CNTNAP5: variants seen among roughly 807,000 people sequenced by gnomAD.
CNTNAP5 encodes contactin associated protein family member 5.
A neutral mutation model predicts 150.2 loss-of-function variants in CNTNAP5; 72 were observed. The ratio of observed to expected loss-of-function variants is 0.48; its 90% CI spans 0.40 to 0.58. The LOEUF is 0.58. CNTNAP5 is among the 20% of genes least tolerant of loss of function. The pLI, the probability that CNTNAP5 is intolerant of heterozygous loss-of-function variation, is 0.00. For synonymous variants in CNTNAP5, 672 were observed against 619.8 expected, an observed-to-expected ratio of 1.08 and a Z score of -1.25; for missense variants, 1,636 against 1,626.2, an observed-to-expected ratio of 1.01 and a Z score of -0.10.
intron 7 of CNTNAP5, among the ~76,000 whole-genome samples, chr2:124,499,098 T>C (rs1195576714): frequency 1.3e-5 from 2 of 152,090 alleles, no homozygotes; most frequent in Non-Finnish European, 2.9e-5. Context: ...ATCATCCCAC[T>C]ACTATTATTC....
chr2:124,724,299 C>T (rs1039293795), intron 13 of CNTNAP5, among the ~76,000 whole-genome samples: 9 of 151,902 alleles, frequency 5.9e-5, no homozygotes, highest in Admixed American at 5.3e-4. Flanking sequence ...AAGAATACTG[C>T]AAAGGATACA....
chr2:124,856,689 TAAAA>T (rs1339970878), intron 19 of CNTNAP5, among the ~76,000 whole-genome samples: 1 of 152,128 alleles, frequency 6.6e-6, no homozygotes, highest in Non-Finnish European at 1.5e-5. Context: ...TAAATAATAA[TAAAA>T]TGCCTTGCTA....
intron 1 of CNTNAP5, among the ~76,000 whole-genome samples, chr2:124,166,204 C>CA (rs1416132358): frequency 1.3e-5 from 2 of 152,182 alleles, no homozygotes; most frequent in African/African-American, 4.8e-5. Flanking sequence ...CCTATGGCTT[C>CA]ACATCTGGGA....
At chr2:124,704,127 C>CT (rs1448059964) in intron 13 of CNTNAP5, among the ~76,000 whole-genome samples, 8 of 152,140 alleles carry the variant, frequency 5.3e-5, no homozygotes, top group Non-Finnish European at 1.2e-4. Flanking sequence ...GTTCTGTATT[C>CT]TTTATGAAGA....
chr2:124,383,168 G>A (rs955272514), intron 3 of CNTNAP5, among the ~76,000 whole-genome samples: 7 of 152,024 alleles, frequency 4.6e-5, no homozygotes, highest in African/African-American at 1.7e-4. Context: ...TAACACATTT[G>A]GCGAACATTA....
At chr2:124,307,655 A>T (rs1863354) in intron 3 of CNTNAP5, among the ~76,000 whole-genome samples, 1 of 152,034 alleles carries the variant, frequency 6.6e-6, no homozygotes, top group Non-Finnish European at 1.5e-5. Flanking sequence ...TAGGAAGACA[A>T]GTTCTTGCTT....
intron 12 of CNTNAP5, among the ~76,000 whole-genome samples, chr2:124,643,298 A>T (rs2105022596): frequency 6.6e-6 from 1 of 152,246 alleles, no homozygotes; most frequent in Non-Finnish European, 1.5e-5. Flanking sequence ...TAATTGTGGG[A>T]TTGGGTAGTG....
intron 3 of CNTNAP5, among the ~76,000 whole-genome samples, chr2:124,355,594 T>A (rs996388658): frequency 6.6e-6 from 1 of 152,192 alleles, no homozygotes; most frequent in Admixed American, 6.5e-5. Context: ...TACTTCATTT[T>A]GCAGGTGAGC....
chr2:124,256,503 A>C (rs1687319793), intron 3 of CNTNAP5, among the ~76,000 whole-genome samples: 1 of 152,110 alleles, frequency 6.6e-6, no homozygotes, highest in African/African-American at 2.4e-5. Flanking sequence ...AACATACATG[A>C]AATTAGAGTG....
At chr2:124,455,695 C>T (rs1693102660) in intron 6 of CNTNAP5, among the ~76,000 whole-genome samples, 1 of 152,078 alleles carries the variant, frequency 6.6e-6, no homozygotes, top group Admixed American at 6.6e-5. Flanking sequence ...AATCCAACAA[C>T]ATATCAAAAC....
chr2:124,684,388 T>G lies in CNTNAP5; in HGVS notation c.2077+36430T>G, dbSNP rs565115497. On this transcript the variant is annotated intron_variant, in intron 13 of 23. Transcript: ENST00000682447. ...TCAGAGCTTATATCTACCAACCATT[T>G]CTTCATTTATTTGAAAAGTTTCTAT... 5.9e-5 allele frequency among the ~76,000 whole-genome samples: 9 copies of G among 152,150 alleles called. No individual in the cohort carries two copies. In the South Asian group the frequency reaches 1.7e-3, roughly 28 times the overall value.
intron 3 of CNTNAP5, among the ~76,000 whole-genome samples, chr2:124,387,607 G>A (rs138856112): frequency 6.6e-6 from 1 of 152,122 alleles, no homozygotes; most frequent in Admixed American, 6.5e-5. Flanking sequence ...TCTTAAGGGT[G>A]GGGGAGATTA....
At chr2:124,620,995 C>T (rs192441965) in intron 12 of CNTNAP5, among the ~76,000 whole-genome samples, 1 of 152,074 alleles carries the variant, frequency 6.6e-6, no homozygotes, top group African/African-American at 2.4e-5. Context: ...TTCAGAGGCT[C>T]TTGGAGCCTG....
intron 3 of CNTNAP5, among the ~76,000 whole-genome samples, chr2:124,326,279 T>A (rs1689214383): frequency 6.6e-6 from 1 of 152,178 alleles, no homozygotes; most frequent in Non-Finnish European, 1.5e-5. Context: ...TCCACAAAGT[T>A]GTGCTGTAAT....
intron 3 of CNTNAP5, among the ~76,000 whole-genome samples, chr2:124,317,643 A>G (rs1305545469): frequency 6.6e-6 from 1 of 152,160 alleles, no homozygotes; most frequent in African/African-American, 2.4e-5. Flanking sequence ...TGTATAACAT[A>G]TTATTTGGTC....
At chr2:124,318,124 C>A (rs914595561) in intron 3 of CNTNAP5, among the ~76,000 whole-genome samples, 3 of 152,110 alleles carry the variant, frequency 2.0e-5, no homozygotes, top group Non-Finnish European at 2.9e-5. Context: ...TTGCAGTCAG[C>A]GGCCACAGCA....
intron 1 of CNTNAP5, among the ~76,000 whole-genome samples, chr2:124,105,546 A>G (rs1683154926): frequency 1.3e-5 from 2 of 152,330 alleles, no homozygotes; most frequent in South Asian, 2.1e-4. Context: ...TTAATAAAAA[A>G]CAATATCTTG....
intron 13 of CNTNAP5, among the ~76,000 whole-genome samples, chr2:124,671,733 A>G (rs1031244260): frequency 4.6e-5 from 7 of 152,098 alleles, no homozygotes; most frequent in Admixed American, 2.0e-4. Context: ...TCTGCCTCCC[A>G]GGTTCAAGTG....
At chr2:124,544,365 A>G (rs1037096340) in intron 10 of CNTNAP5, among the ~76,000 whole-genome samples, 5 of 152,230 alleles carry the variant, frequency 3.3e-5, no homozygotes, top group African/African-American at 1.2e-4. Flanking sequence ...TCCTAACATC[A>G]GATATGTAAA....
Sources: allele counts gnomAD v4.1 joint callset (sites outside exome capture counted in the v4.1 genomes callset), GRCh38; gene constraint gnomAD v4.1.1; transcripts MANE v1.5; gene names NCBI Gene and HGNC (gene_info 2026-07-23, HGNC 2026-07-21).